Variants in CFAP54 observed in about 807,000 individuals in gnomAD.
The protein encoded by CFAP54 is cilia- and flagella-associated protein 54.
A neutral mutation model predicts 370.4 loss-of-function variants in CFAP54; 290 were observed. The observed-to-expected ratio is 0.78, with a 90% CI of 0.71 to 0.86. The LOEUF is 0.86. CFAP54 is among the 40% of genes least tolerant of loss of function. CFAP54 has a pLI of 0.00. For missense variants in CFAP54, 3,399 were observed against 3,528.7 expected, an observed-to-expected ratio of 0.96 and a Z score of 0.93; for synonymous variants, 1,206 against 1,236.5, an observed-to-expected ratio of 0.98 and a Z score of 0.52.
intron 1 of CFAP54, among the ~76,000 whole-genome samples, chr12:96,495,270 TTCCTTCCTTCCTTCCTTCCTTCTTTCC>T (rs1954937973): frequency 8.1e-5 from 12 of 147,642 alleles, no homozygotes; most frequent in Admixed American, 6.1e-4. Context: ...CCTTCCTTCC[TTCCTTCCTTCCTTCCTTCCTTCTTTCC>T]TTCCTTCCTT....
chr12:96,777,196 T>G (rs1393817743), intron 60 of CFAP54, among the ~76,000 whole-genome samples: 1 of 152,166 alleles, frequency 6.6e-6, no homozygotes, highest in Non-Finnish European at 1.5e-5. Flanking sequence ...ATCCCTGAAG[T>G]GCTTTTCCTG....
At chr12:96,692,397 T>C (rs1009554906) in intron 44 of CFAP54, among the ~76,000 whole-genome samples, 4 of 37,228 alleles carry the variant, frequency 1.1e-4, no homozygotes, top group South Asian at 1.3e-3. Flanking sequence ...GGAAAAGAAA[T>C]GAGGTTTTTT....
intron 26 of CFAP54, among the ~76,000 whole-genome samples, chr12:96,609,528 G>T (rs1479760274): frequency 6.6e-6 from 1 of 152,050 alleles, no homozygotes; most frequent in Non-Finnish European, 1.5e-5. Flanking sequence ...ATCAGCCACA[G>T]GAAATAGATG....
chr12:96,700,208 T>C, intron 46 of CFAP54, 115 bp downstream of exon 46: 1 of 1,171,264 alleles, frequency 8.5e-7, no homozygotes, highest in Admixed American at 2.7e-5. Context: ...TTAGCCCTCT[T>C]TGTTAAGCCT....
intron 15 of CFAP54, among the ~76,000 whole-genome samples, chr12:96,549,407 G>A (rs1272904568): frequency 6.6e-6 from 1 of 152,116 alleles, no homozygotes; most frequent in Non-Finnish European, 1.5e-5. Flanking sequence ...TAAGAAAAAT[G>A]TACCCTCTCT....
intron 39 of CFAP54, among the ~76,000 whole-genome samples, chr12:96,667,182 G>C (rs766759362): frequency 5.3e-5 from 8 of 152,194 alleles, no homozygotes; most frequent in Non-Finnish European, 1.2e-4. Flanking sequence ...ACAGGCTGGT[G>C]TTGAGTGTCT....
intron 9 of CFAP54, 73 bp from the exon 10 acceptor site, chr12:96,533,719 G>A (rs1387797111): frequency 2.7e-6 from 3 of 1,122,712 alleles, no homozygotes; most frequent in South Asian, 1.9e-5. Flanking sequence ...GTGCCTGAAA[G>A]TGTCTATAGT....
intron 26 of CFAP54, among the ~76,000 whole-genome samples, chr12:96,611,638 A>T (rs1166367162): frequency 1.3e-5 from 2 of 152,078 alleles, no homozygotes; most frequent in African/African-American, 2.4e-5. Context: ...AAAAACCTTG[A>T]AAAAAGATTA....
chr12:96,608,626 T>C (rs1314277242), intron 26 of CFAP54, among the ~76,000 whole-genome samples: 1 of 151,922 alleles, frequency 6.6e-6, no homozygotes, highest in Non-Finnish European at 1.5e-5. Context: ...TACGCCCGCT[T>C]AGTTTTTGTA....
At chr12:96,682,500 C>G (rs1957283874) in intron 40 of CFAP54, among the ~76,000 whole-genome samples, 1 of 152,014 alleles carries the variant, frequency 6.6e-6, no homozygotes, top group Non-Finnish European at 1.5e-5. Context: ...TTCAGTCTCC[C>G]AAGCAGCTGG....
intron 65 of CFAP54, among the ~76,000 whole-genome samples, chr12:96,828,569 C>T (rs1460819649): frequency 6.6e-6 from 1 of 152,060 alleles, no homozygotes; most frequent in Non-Finnish European, 1.5e-5. Context: ...GTGGGTAGGT[C>T]CCTTGTGGAT....
Position 96,498,673 on chromosome 12 carries a change from A to G in CFAP54, c.318-2161A>G, listed in dbSNP as rs567552672. ...TCTCAAAACAAAAAATAAAAAATAA[A>G]CTCCTAGTAGATAACATAGGAGAGA... On this transcript the variant is annotated intron_variant, in intron 1 of 67. Coordinates refer to ENST00000524981, the MANE Select transcript of CFAP54 (RefSeq NM_001306084.2). 5.3e-5 allele frequency among the ~76,000 whole-genome samples: 8 copies of G among 152,198 alleles called. No homozygotes were observed. The East Asian group carries it at 1.4e-3, about 26-fold the overall frequency.
At chr12:96,733,456 A>G (rs1056460176) in intron 50 of CFAP54, among the ~76,000 whole-genome samples, 1 of 152,052 alleles carries the variant, frequency 6.6e-6, no homozygotes, top group African/African-American at 2.4e-5. Flanking sequence ...TTTTGTCATG[A>G]ATGCTAATAA....
In CFAP54 at chr12:96,708,664, A is replaced by G; in HGVS notation, c.6585A>G (p.Gln2195=). Residue 2195 remains glutamine, a synonymous_variant, in exon 48 of 68, where the codon CAA becomes CAG. Transcript: ENST00000524981. ...GLPAVLVTIG[Q]PHLLNKFNFV... ...CTGCAGTTCTGGTTACAATTGGCCAACCACATCTCTTAAATAAGTTTAATT... is the reference window on the plus strand; with the variant it reads ...CTGCAGTTCTGGTTACAATTGGCCAGCCACATCTCTTAAATAAGTTTAATT... 1.2e-6 allele frequency: 2 copies of G among 1,611,870 alleles called. No individual in the cohort carries two copies. Among genetic ancestry groups the G allele is most frequent in the Non-Finnish European group, 1.7e-6 (2 of 1,179,476 alleles).
At chr12:96,623,724 C>T in intron 27 of CFAP54, 43 bp from the exon 28 acceptor site, 1 of 977,538 alleles carries the variant, frequency 1.0e-6, no homozygotes, top group Non-Finnish European at 1.5e-6. Context: ...ACAGTTGTTG[C>T]AACACGTTAA....
chr12:96,500,965 A>G (rs1444369067), intron 2 of CFAP54, 26 bp downstream of exon 2: 2 of 1,375,716 alleles, frequency 1.5e-6, no homozygotes, highest in Admixed American at 4.2e-5. Context: ...GGAAAGAGCC[A>G]AAAAGAAGTT....
intron 13 of CFAP54, among the ~76,000 whole-genome samples, chr12:96,538,893 C>T (rs1299946425): frequency 2.0e-5 from 3 of 151,756 alleles, no homozygotes; most frequent in African/African-American, 4.8e-5. Context: ...GCTGGGACTA[C>T]AGGCATACAC....
Position 96,623,807 on chromosome 12 carries a change from A to G in CFAP54, c.3812A>G (p.Gln1271Arg), listed in dbSNP as rs1011743061. 2.6e-6 allele frequency: 4 copies of G among 1,535,664 alleles called. No homozygotes were observed. Among genetic ancestry groups the G allele is most frequent in the Middle Eastern group, 1.7e-4 (1 of 5,988 alleles). ...TCTTTAAAGACTAAGAAGCCACAGC[A>G]GATACTACTGCCTGAAAAGATAAAT... ...KKSLKTKKPQQILLPEKINEQ... is the reference protein window; with the variant it reads ...KKSLKTKKPQRILLPEKINEQ... The change falls in exon 28 of 68, where the codon CAG becomes CGG. Residue 1271 changes from glutamine to arginine, a missense_variant. By Grantham distance (43) the Gln-to-Arg change is conservative. Transcript: ENST00000524981.
chr12:96,528,430 G>A (rs1312550386), intron 9 of CFAP54, among the ~76,000 whole-genome samples: 39 of 151,902 alleles, frequency 2.6e-4, no homozygotes, highest in Admixed American at 2.5e-3. Flanking sequence ...TTTAGGTTTC[G>A]CTCACAAGGT....
Sources: allele counts gnomAD v4.1 joint callset (sites outside exome capture counted in the v4.1 genomes callset), GRCh38; gene constraint gnomAD v4.1.1; transcripts MANE v1.5; gene names NCBI Gene and HGNC (gene_info 2026-07-23, HGNC 2026-07-21).